ANKFN1: variants seen among roughly 807,000 people sequenced by gnomAD.
The protein encoded by ANKFN1 is ankyrin repeat and fibronectin type-III domain-containing protein 1.
ANKFN1 carries 74 observed loss-of-function variants against 108.7 expected under a neutral mutation model. That is an observed-to-expected ratio of 0.68 (90% CI 0.56 to 0.83). The LOEUF is 0.83. ANKFN1 is among the 40% of genes least tolerant of loss of function. The probability of loss-of-function intolerance (pLI) is 0.00; values close to 1 mark genes in which losing one functional copy is unlikely to be tolerated. For missense variants in ANKFN1, 1,505 were observed against 1,382.3 expected, an observed-to-expected ratio of 1.09 and a Z score of -1.41; for synonymous variants, 547 against 516.2, an observed-to-expected ratio of 1.06 and a Z score of -0.81.
At chr17:56,108,220 G>A (rs1905786394) in intron 4 of ANKFN1, among the ~76,000 whole-genome samples, 1 of 152,156 alleles carries the variant, frequency 6.6e-6, no homozygotes, top group Admixed American at 6.6e-5. Context: ...ATTTTTAGTA[G>A]AGACGGGGTT....
At chr17:56,091,536 T>C (rs772239952) in intron 4 of ANKFN1, among the ~76,000 whole-genome samples, 2 of 151,030 alleles carry the variant, frequency 1.3e-5, no homozygotes, top group Non-Finnish European at 3.0e-5. Flanking sequence ...AACCAGCTTT[T>C]TAACAAATGT....
At chr17:56,059,470 A>C (rs561977701) in intron 4 of ANKFN1, among the ~76,000 whole-genome samples, 2 of 152,056 alleles carry the variant, frequency 1.3e-5, no homozygotes, top group Admixed American at 1.3e-4. Flanking sequence ...CTTTTGTTGC[A>C]ATTGCTTTTG....
chr17:56,222,035 C>T (rs1245885283), intron 2 of ANKFN1, among the ~76,000 whole-genome samples: 3 of 152,196 alleles, frequency 2.0e-5, no homozygotes, highest in African/African-American at 7.2e-5. Flanking sequence ...TCAGAATCTG[C>T]TTTTTATCAG....
chr17:56,110,209 C>T lies in ANKFN1; in HGVS notation c.288+63884C>T, dbSNP rs115360807. On this transcript the variant is annotated intron_variant, in intron 4 of 12. Transcript: ENST00000635860. ...TTCTTACTCTTGTGTTCTAGCCACT[C>T]GAGCCTTCTTCCCTGAACACACCAT... Among the ~76,000 whole-genome samples the T allele has an allele frequency of 6.6e-3, 1,004 of 152,308 alleles. 8 individuals carry two copies. Among genetic ancestry groups the T allele is most frequent in the African/African-American group, 0.023 (945 of 41,564 alleles).
chr17:56,066,142 T>C (rs1247195963), intron 4 of ANKFN1, among the ~76,000 whole-genome samples: 2 of 152,242 alleles, frequency 1.3e-5, no homozygotes, highest in Non-Finnish European at 2.9e-5. Context: ...AGTTCTGTGA[T>C]GGCTTTTAGA....
At chr17:56,183,476 T>C (rs183915139) in intron 1 of ANKFN1, among the ~76,000 whole-genome samples, 1 of 152,304 alleles carries the variant, frequency 6.6e-6, no homozygotes, top group African/African-American at 2.4e-5. Context: ...CCCCCATGAA[T>C]GGCTTAGCAT....
intron 4 of ANKFN1, among the ~76,000 whole-genome samples, chr17:56,075,495 C>A (rs1905171027): frequency 6.6e-6 from 1 of 151,950 alleles, no homozygotes; most frequent in Admixed American, 6.6e-5. Context: ...ATGCTCCAGC[C>A]CCAAGCAGAG....
At chr17:56,291,506 T>C (rs1278681089) in intron 3 of ANKFN1, among the ~76,000 whole-genome samples, 1 of 152,178 alleles carries the variant, frequency 6.6e-6, no homozygotes, top group East Asian at 1.9e-4. Context: ...AGGGGCCTTA[T>C]GGTATTATTT....
intron 4 of ANKFN1, among the ~76,000 whole-genome samples, chr17:56,138,455 A>G (rs1907718017): frequency 6.6e-6 from 1 of 152,066 alleles, no homozygotes. Flanking sequence ...TATCAAACTG[A>G]ACTGCTTTCC....
chr17:56,419,157 T>C (rs2048325960), intron 8 of ANKFN1, among the ~76,000 whole-genome samples: 1 of 152,184 alleles, frequency 6.6e-6, no homozygotes, highest in Non-Finnish European at 1.5e-5. Flanking sequence ...CCACTGGCCT[T>C]TCTTCTCCAT....
chr17:56,322,855 C>A (rs1294042559), intron 3 of ANKFN1, among the ~76,000 whole-genome samples: 1 of 152,168 alleles, frequency 6.6e-6, no homozygotes, highest in East Asian at 1.9e-4. Flanking sequence ...ATATCTCATG[C>A]TAAGTATATC....
intron 4 of ANKFN1, among the ~76,000 whole-genome samples, chr17:56,343,530 T>C (rs868595110): frequency 6.6e-6 from 1 of 151,962 alleles, no homozygotes; most frequent in Non-Finnish European, 1.5e-5. Context: ...TTTCTCTCTA[T>C]GTCTTTGGCT....
Position 56,399,844 on chromosome 17 carries a change from TATATATATA to T in ANKFN1, c.910+25131_910+25139del, listed in dbSNP as rs773051759. Among the ~76,000 whole-genome samples the T allele has an allele frequency of 8.4e-4, 94 of 111,918 alleles. 1 individual carries two copies. The highest frequency in any genetic ancestry group is 3.9e-3 in the Middle Eastern group (1 of 256). 73.4% of individuals were successfully genotyped at this position (111,918 alleles called of 152,430 possible). A position where few individuals can be genotyped will look rare whatever the true frequency, so the allele number is the denominator to read the frequency against. ...TATGGCTGAGTAGTATTCCATTTTT[TATATATATA>T]TATATATATATATATATGTATCATT... is the stretch of plus-strand genomic sequence containing the variant. On this transcript the variant is annotated intron_variant, in intron 8 of 20. Transcript: ENST00000682825.
chr17:56,052,531 C>T (rs1321974674), intron 4 of ANKFN1, among the ~76,000 whole-genome samples: 1 of 152,200 alleles, frequency 6.6e-6, no homozygotes, highest in African/African-American at 2.4e-5. Context: ...TAAATGATAA[C>T]ACTTCTCAAT....
intron 4 of ANKFN1, among the ~76,000 whole-genome samples, chr17:56,138,837 T>C (rs1907752722): frequency 6.6e-6 from 1 of 152,094 alleles, no homozygotes. Flanking sequence ...ATTTGGTTTT[T>C]CAATTTTCTA....
chr17:56,265,345 A>G (rs79690207), intron 3 of ANKFN1, among the ~76,000 whole-genome samples: 3,979 of 152,292 alleles, frequency 0.026, 176 homozygotes, highest in African/African-American at 0.089. Context: ...ATCAGGCGAG[A>G]AAGAGAGAAG....
intron 8 of ANKFN1, among the ~76,000 whole-genome samples, chr17:56,417,484 G>A (rs1046429017): frequency 1.3e-5 from 2 of 152,168 alleles, no homozygotes; most frequent in African/African-American, 4.8e-5. Flanking sequence ...CCTGCAGCAG[G>A]GACTATATAG....
chr17:56,337,659 T>G (rs2045850602), intron 4 of ANKFN1, among the ~76,000 whole-genome samples: 1 of 152,170 alleles, frequency 6.6e-6, no homozygotes, highest in Non-Finnish European at 1.5e-5. Context: ...GGACAGACAC[T>G]TCTCAAAAGA....
At chr17:56,420,784 T>A (rs2048381374) in intron 8 of ANKFN1, among the ~76,000 whole-genome samples, 1 of 151,116 alleles carries the variant, frequency 6.6e-6, no homozygotes, top group Non-Finnish European at 1.5e-5. Flanking sequence ...CTCGGCTCAC[T>A]GCAAGCTCTG....
Sources: allele counts gnomAD v4.1 joint callset (sites outside exome capture counted in the v4.1 genomes callset), GRCh38; gene constraint gnomAD v4.1.1; transcripts MANE v1.5; gene names NCBI Gene and HGNC (gene_info 2026-07-23, HGNC 2026-07-21).